CFAP46: variants seen among roughly 807,000 people sequenced by gnomAD.
CFAP46 encodes the protein cilia- and flagella-associated protein 46.
In CFAP46, 245 loss-of-function variants were observed where a neutral mutation model predicts 325.7. The observed-to-expected ratio is 0.75, with a 90% CI of 0.68 to 0.84. CFAP46 has a LOEUF of 0.84. Ranked by LOEUF, CFAP46 falls within the 40% of genes least tolerant of loss-of-function variation. CFAP46 has a pLI of 0.00. For synonymous variants in CFAP46, 1,523 were observed against 1,495.9 expected (o/e 1.02, Z -0.42); for missense variants, 3,346 against 3,543.0 (o/e 0.94, Z 1.41).
chr10:132,858,963 C>CG, intron 38 of CFAP46, 108 bp downstream of exon 38: 1 of 1,189,994 alleles, frequency 8.4e-7, no homozygotes, highest in Non-Finnish European at 1.2e-6. Flanking sequence ...GTGGACCCCG[C>CG]GGGGGTGCAG....
intron 35 of CFAP46, among the ~76,000 whole-genome samples, chr10:132,861,329 TGAC>T (rs1024155262): frequency 1.4e-4 from 22 of 152,308 alleles, no homozygotes; most frequent in African/African-American, 4.3e-4. Flanking sequence ...AGTGAGGAGC[TGAC>T]AAGTGGAATC....
rs1414037428 is a variant in CFAP46, at chr10:132,886,207, G to A, written c.3305-248C>T. ...GAAGCAGCTGTCTTGTCTCCTTGCT[G>A]CCTGTCACTCTCCATCTCCTTGGAG... On this transcript the variant is annotated intron_variant, in intron 25 of 57. Coordinates refer to ENST00000368586, the MANE Select transcript of CFAP46 (RefSeq NM_001200049.3). The surrounding 1 kb of genome is among the most constrained non-coding windows in gnomAD (Gnocchi z 5.8). 6.6e-6 allele frequency among the ~76,000 whole-genome samples: 1 copy of A among 152,182 alleles called. No homozygotes were observed. Among genetic ancestry groups the A allele is most frequent in the Non-Finnish European group, 1.5e-5 (1 of 68,036 alleles).
chr10:132,821,969 C>A (rs372430716), intron 50 of CFAP46, among the ~76,000 whole-genome samples: 1 of 96,122 alleles, frequency 1.0e-5, no homozygotes, highest in Non-Finnish European at 1.9e-5. Flanking sequence ...GCTGTGTGTG[C>A]GCTGATGTGT....
In CFAP46 at chr10:132,821,342, T is replaced by TGTGTTGTGTGTGCTGA. The variant is rs1245927728; in HGVS notation, c.7118-6429_7118-6428insTCAGCACACACAACAC. Among the ~76,000 whole-genome samples, 6 of 141,854 alleles carry TGTGTTGTGTGTGCTGA rather than the reference T, an allele frequency of 4.2e-5. No individual in the cohort carries two copies. In the South Asian group the frequency reaches 9.6e-4, roughly 23 times the overall value. 93.1% of individuals were successfully genotyped at this position (141,854 alleles called of 152,430 possible). A position where few individuals can be genotyped will look rare whatever the true frequency, so the allele number is the denominator to read the frequency against. On this transcript the variant is annotated intron_variant, in intron 50 of 57. Transcript: ENST00000368586. Reference sequence around the variant, plus strand: ...GCTGTGTGAGTGCTGATGTGTGCTGTGTGCTGATGTGTGCTGTGTGTGCTG... The same window carrying TGTGTTGTGTGTGCTGA: ...GCTGTGTGAGTGCTGATGTGTGCTGTGTGTTGTGTGTGCTGAGTGCTGATGTGTGCTGTGTGTGCTG...
In CFAP46 at chr10:132,899,084, G is replaced by A. The variant is rs1033605375; in HGVS notation, c.3094C>T (p.Leu1032=). The A allele has an allele frequency of 2.6e-6, 4 of 1,538,328 alleles. No homozygotes were observed. The African/African-American group carries it at 5.5e-5, about 21-fold the overall frequency. Residue 1032 remains leucine (L), a synonymous_variant, in exon 24 of 58, where the codon CTG becomes TTG. Transcript: ENST00000368586. ...GIAGSSALVM[L]AARHYWNAWL... Reference sequence around the variant, plus strand: ...GCGTTCCAGTAATGCCGCGCGGCCAGCATCACCAGGGCGCTGCTGCCCGCG... The same window carrying A: ...GCGTTCCAGTAATGCCGCGCGGCCAACATCACCAGGGCGCTGCTGCCCGCG...
At chr10:132,897,920 T>C (rs963101406) in intron 24 of CFAP46, among the ~76,000 whole-genome samples, 2 of 152,230 alleles carry the variant, frequency 1.3e-5, no homozygotes, top group Admixed American at 1.3e-4. Context: ...GCCTTGGGCA[T>C]GCATCTGAGG....
chr10:132,920,000 C>A lies in CFAP46; in HGVS notation c.1730+59G>T. The A allele has an allele frequency of 6.9e-7, 1 of 1,442,890 alleles. No homozygotes were observed. The highest frequency in any genetic ancestry group is 9.1e-7 in the Non-Finnish European group (1 of 1,095,460). The allele number at this position is 1,442,890 out of a possible 1,614,324, so 89.4% of individuals were successfully genotyped here. A position where few individuals can be genotyped will look rare whatever the true frequency, so the allele number is the denominator to read the frequency against. ...CTCAGCCGCCACAGACACTGGCCCT[C>A]GGGCTGAGCGACCCCCGGGCTGAGC... On this transcript the variant is annotated intron_variant, in intron 14 of 57. Coordinates refer to ENST00000368586, the MANE Select transcript of CFAP46 (RefSeq NM_001200049.3). This position sits in a 1 kb window ranked among gnomAD's most constrained non-coding sequence, Gnocchi z 9.7.
At chr10:132,836,111 C>G (rs763876872) in intron 46 of CFAP46, 31 bp downstream of exon 46, 3 of 1,562,728 alleles carry the variant, frequency 1.9e-6, no homozygotes, top group Non-Finnish European at 1.7e-6. Context: ...CTGCCCTGCT[C>G]CCCCTCCCCC....
At position 132,808,907 on chromosome 10, in the gene CFAP46, G is replaced by A. The variant is rs1847521417; in HGVS notation, c.7665-3C>T. ...CTTCAAGGTCTGAGAAGCCTCGTCT[G>A]TGGAGAAAGGGGCGGGAGCTATGAA... On this transcript the variant is annotated splice_polypyrimidine_tract_variant and splice_region_variant and intron_variant, in intron 57 of 57. Coordinates refer to ENST00000368586, the MANE Select transcript of CFAP46 (RefSeq NM_001200049.3). This position sits in a 1 kb window ranked among gnomAD's most constrained non-coding sequence, Gnocchi z 6.8. 6.4e-7 allele frequency: 1 copy of A among 1,571,804 alleles called. No homozygotes were observed. The highest frequency in any genetic ancestry group is 1.3e-5 in the African/African-American group (1 of 74,176).
chr10:132,834,098 C>T lies in CFAP46; in HGVS notation c.6892G>A (p.Asp2298Asn), dbSNP rs199874282. Residue 2298 changes from aspartate (D) to asparagine (N), a missense_variant, in exon 49 of 58, where the codon GAT (aspartate) becomes AAT (asparagine). Asp to Asn is a conservative substitution (Grantham distance 23). Transcript: ENST00000368586. ...TCTTTGCCCTTCGACTTCCCTGAAT[C>T]GGCAACAACCGCAGGTGTCTGCACT... The part of the protein sequence containing the change: ...ARVQTPAVVA[D>N]SGKSKGKDKE... 5.6e-6 allele frequency: 9 copies of T among 1,613,992 alleles called. No individual in the cohort carries two copies. Among genetic ancestry groups the T allele is most frequent in the South Asian group, 4.4e-5 (4 of 91,078 alleles).
At chr10:132,900,350 C>G (rs957869597) in intron 22 of CFAP46, among the ~76,000 whole-genome samples, 1 of 152,240 alleles carries the variant, frequency 6.6e-6, no homozygotes, top group Non-Finnish European at 1.5e-5. Context: ...CCTGGACGTT[C>G]GCTGCTCCAG....
intron 50 of CFAP46, among the ~76,000 whole-genome samples, chr10:132,829,586 C>T (rs1399811239): frequency 2.0e-5 from 3 of 152,234 alleles, no homozygotes; most frequent in Non-Finnish European, 2.9e-5. Flanking sequence ...CTGCAGTGAG[C>T]GGCCCTGCCT....
rs760349671 is a variant in CFAP46, at chr10:132,851,225, G to A, written c.5655C>T (p.Leu1885=). The A allele has an allele frequency of 6.2e-7, 1 of 1,614,106 alleles. No individual in the cohort carries two copies. The highest frequency in any genetic ancestry group is 8.5e-7 in the Non-Finnish European group (1 of 1,180,050). Residue 1885 remains leucine, a synonymous_variant, in exon 40 of 58, where the codon CTC becomes CTT. Transcript: ENST00000368586. ...LGLVEMALDM[L]QFIWEEAHGQ... ...CGTGGGCCTCCTCCCAGATGAACTG[G>A]AGCATGTCCAGAGCCATTTCCACGA... is the stretch of plus-strand genomic sequence containing the variant.
rs963923720 is a variant in CFAP46 at position 132,857,454 on chromosome 10, A to G, written c.5574+136T>C. 5.0e-6 allele frequency: 4 copies of G among 805,856 alleles called. No homozygotes were observed. The African/African-American group carries it at 5.3e-5, about 11-fold the overall frequency. The allele number at this position is 805,856 out of a possible 1,614,324, so 49.9% of individuals were successfully genotyped here. On this transcript the variant is annotated intron_variant, in intron 39 of 57. Coordinates refer to ENST00000368586, the MANE Select transcript of CFAP46 (RefSeq NM_001200049.3). ...ACTGTTTGTTTTTTTGTTGTTTCAGATGGGGGAGTATCTGATCCCTGTTAT... is the reference window on the plus strand; with the variant it reads ...ACTGTTTGTTTTTTTGTTGTTTCAGGTGGGGGAGTATCTGATCCCTGTTAT...
chr10:132,925,848 T>TCTGGCACTGACCCGCACGCCC (rs1312213047), intron 10 of CFAP46, among the ~76,000 whole-genome samples: 1 of 152,170 alleles, frequency 6.6e-6, no homozygotes, highest in Non-Finnish European at 1.5e-5. Context: ...CCACGGCACC[T>TCTGGCACTGACCCGCACGCCC]CTGGCACTGA....
At chr10:132,823,638 CTGA>C (rs1168594787) in intron 50 of CFAP46, among the ~76,000 whole-genome samples, 3 of 102,162 alleles carry the variant, frequency 2.9e-5, no homozygotes, top group Admixed American at 1.1e-4. Context: ...TGTGTGAGTG[CTGA>C]TGTGTGCTGT....
chr10:132,810,876 G>T, intron 56 of CFAP46, 74 bp downstream of exon 56: 1 of 1,386,826 alleles, frequency 7.2e-7, no homozygotes. Flanking sequence ...CTCCTCCCTT[G>T]TGGGTCCCAC....
chr10:132,924,595 G>C, intron 11 of CFAP46, 101 bp downstream of exon 11: 1 of 1,165,490 alleles, frequency 8.6e-7, no homozygotes, highest in African/African-American at 1.6e-5. Flanking sequence ...TGTTGCTTGT[G>C]GCACTGTCAT....
rs945181671 is a variant in CFAP46, at chr10:132,886,986, C to T, written c.3305-1027G>A. On this transcript the variant is annotated intron_variant, in intron 25 of 57. Coordinates refer to ENST00000368586, the MANE Select transcript of CFAP46 (RefSeq NM_001200049.3). This position sits in a 1 kb window ranked among gnomAD's most constrained non-coding sequence, Gnocchi z 5.8. ...GAGGTCAGTGAAGGATCTGTCTTCTCTCTTTTCTCTTCTCTCTCTCTCGCC... is the reference window on the plus strand; with the variant it reads ...GAGGTCAGTGAAGGATCTGTCTTCTTTCTTTTCTCTTCTCTCTCTCTCGCC... Among the ~76,000 whole-genome samples, 3 of 152,068 alleles carry T rather than the reference C, an allele frequency of 2.0e-5. No homozygotes were observed. Among genetic ancestry groups the T allele is most frequent in the African/African-American group, 7.3e-5 (3 of 41,348 alleles).
Sources: allele counts gnomAD v4.1 joint callset (sites outside exome capture counted in the v4.1 genomes callset), GRCh38; gene constraint gnomAD v4.1.1; non-coding constraint Gnocchi (gnomAD v3.1); transcripts MANE v1.5; gene names NCBI Gene and HGNC (gene_info 2026-07-23, HGNC 2026-07-21).